Variants in CDK15 observed in about 807,000 individuals in gnomAD.
CDK15 encodes cyclin dependent kinase 15.
In CDK15, 62 loss-of-function variants were observed where a neutral mutation model predicts 60.3. The ratio of observed to expected loss-of-function variants is 1.03; its 90% CI spans 0.84 to 1.27. The LOEUF is 1.27. Among genes scored for constraint, CDK15 ranks in the 50% most tolerant of loss-of-function variants. The pLI is 0.00. For synonymous variants in CDK15, 194 were observed against 195.7 expected (o/e 0.99, Z 0.07); for missense variants, 541 against 527.8 (o/e 1.03, Z -0.25).
intron 8 of CDK15, among the ~76,000 whole-genome samples, chr2:201,840,914 G>A (rs1697347290): frequency 6.6e-6 from 1 of 152,086 alleles, no homozygotes; most frequent in Non-Finnish European, 1.5e-5. Context: ...TTCCATTTGT[G>A]AATTCATGTC....
At chr2:201,827,898 G>A (rs146796268) in intron 6 of CDK15, among the ~76,000 whole-genome samples, 19 of 152,318 alleles carry the variant, frequency 1.2e-4, no homozygotes, top group African/African-American at 4.6e-4. Flanking sequence ...TGCAGATGGT[G>A]CTGGTCAAGA....
At chr2:201,857,816 A>G (rs957157605) in intron 10 of CDK15, among the ~76,000 whole-genome samples, 2 of 152,156 alleles carry the variant, frequency 1.3e-5, no homozygotes, top group African/African-American at 2.4e-5. Flanking sequence ...ACGTGAGTCA[A>G]TAAGTTCCTT....
chr2:201,891,770 G>A (rs1469490290), intron 13 of CDK15, among the ~76,000 whole-genome samples: 1 of 152,176 alleles, frequency 6.6e-6, no homozygotes. Context: ...ACAAGATAGA[G>A]GAATCAAGGT....
rs941050963 is a variant in CDK15, at chr2:201,861,450, A to G, written c.1009+6513A>G. 6 of 984,640 alleles carry G rather than the reference A, an allele frequency of 6.1e-6. No individual in the cohort carries two copies. The African/African-American group carries it at 8.8e-5, about 14-fold the overall frequency. 61.0% of individuals were successfully genotyped at this position (984,640 alleles called of 1,614,324 possible). A position where few individuals can be genotyped will look rare whatever the true frequency, so the allele number is the denominator to read the frequency against. ...GTATCCCTCTGTCTCATTTTGCAGGATGAGTCTGAAAAATAAATTATATTG... is the reference window on the plus strand; with the variant it reads ...GTATCCCTCTGTCTCATTTTGCAGGGTGAGTCTGAAAAATAAATTATATTG... On this transcript the variant is annotated intron_variant, in intron 10 of 13. Transcript: ENST00000652192.
intron 12 of CDK15, among the ~76,000 whole-genome samples, chr2:201,887,085 T>A (rs1178693943): frequency 6.6e-6 from 1 of 152,208 alleles, no homozygotes; most frequent in African/African-American, 2.4e-5. Flanking sequence ...TGTTTTACAA[T>A]TTTTTAAATA....
intron 6 of CDK15, among the ~76,000 whole-genome samples, chr2:201,830,309 A>T (rs1216869334): frequency 2.6e-5 from 4 of 152,216 alleles, no homozygotes; most frequent in Non-Finnish European, 5.9e-5. Flanking sequence ...GGGCAGAAGA[A>T]AAATTAGGAG....
At chr2:201,864,705 C>G (rs1202402724) in intron 10 of CDK15, among the ~76,000 whole-genome samples, 1 of 152,176 alleles carries the variant, frequency 6.6e-6, no homozygotes, top group African/African-American at 2.4e-5. Context: ...CCGGCCACCC[C>G]TGCTATTTTA....
rs73055701 is a variant in CDK15, at chr2:201,854,792, T to C, written c.946-82T>C. 0.011 allele frequency: 13,198 copies of C among 1,159,552 alleles called. 1,010 individuals carry two copies. The African/African-American group carries it at 0.17, about 15-fold the overall frequency. The allele number at this position is 1,159,552 out of a possible 1,614,324, so 71.8% of individuals were successfully genotyped here. A position where few individuals can be genotyped will look rare whatever the true frequency, so the allele number is the denominator to read the frequency against. On this transcript the variant is annotated intron_variant, in intron 9 of 13. Transcript: ENST00000652192. Reference sequence around the variant, plus strand: ...TGACGCTTCCCTGTTCTTCCCTGATTTGTCCTGCATGTCTCCATACCTCTT... The same window carrying C: ...TGACGCTTCCCTGTTCTTCCCTGATCTGTCCTGCATGTCTCCATACCTCTT...
chr2:201,836,800 GAAAA>G (rs779259853), intron 8 of CDK15, among the ~76,000 whole-genome samples: 1 of 132,042 alleles, frequency 7.6e-6, no homozygotes. Flanking sequence ...CCTGGTTTAG[GAAAA>G]AAAAAAAAAA....
At chr2:201,839,989 T>A (rs1697303146) in intron 8 of CDK15, among the ~76,000 whole-genome samples, 1 of 151,120 alleles carries the variant, frequency 6.6e-6, no homozygotes, top group Non-Finnish European at 1.5e-5. Context: ...TTTGTTTTTG[T>A]TTTTGTTTTT....
intron 9 of CDK15, among the ~76,000 whole-genome samples, chr2:201,848,390 T>A (rs1697763254): frequency 6.6e-6 from 1 of 152,130 alleles, no homozygotes; most frequent in African/African-American, 2.4e-5. Context: ...TGGTAAAATA[T>A]ACAAAACAAA....
chr2:201,880,788 C>T (rs983501479), intron 12 of CDK15, among the ~76,000 whole-genome samples: 3 of 152,062 alleles, frequency 2.0e-5, no homozygotes, highest in African/African-American at 7.2e-5. Context: ...TTGGAACTCC[C>T]GTCATGTTTC....
chr2:201,845,238 T>A (rs1574893266), intron 8 of CDK15, among the ~76,000 whole-genome samples: 1 of 152,186 alleles, frequency 6.6e-6, no homozygotes, highest in East Asian at 1.9e-4. Flanking sequence ...CTGATATCAT[T>A]TTTTAAACAA....
intron 11 of CDK15, among the ~76,000 whole-genome samples, chr2:201,878,331 G>A (rs1171176554): frequency 6.6e-6 from 1 of 151,382 alleles, no homozygotes; most frequent in African/African-American, 2.4e-5. Flanking sequence ...TTTTGTCCTG[G>A]GCCAGCCAAC....
At chr2:201,826,453 C>T (rs192944562) in intron 6 of CDK15, among the ~76,000 whole-genome samples, 1,383 of 77,638 alleles carry the variant, frequency 0.018, 24 homozygotes, top group African/African-American at 0.067. Context: ...AGTGAGACTG[C>T]GTCTCAAAAA....
chr2:201,829,482 C>T (rs1385730763), intron 6 of CDK15, among the ~76,000 whole-genome samples: 2 of 152,122 alleles, frequency 1.3e-5, no homozygotes, highest in Non-Finnish European at 2.9e-5. Context: ...ATGATGGTGC[C>T]ATTCACTGTG....
intron 7 of CDK15, 134 bp downstream of exon 7, chr2:201,834,105 T>C (rs1696902056): frequency 1.8e-6 from 2 of 1,098,668 alleles, no homozygotes; most frequent in Admixed American, 3.0e-5. Flanking sequence ...GATATCAAAC[T>C]ACCACAAAGG....
In CDK15 at chr2:201,880,181, T is replaced by TGTGTGC. The variant is rs1553535432; in HGVS notation, c.1198+24_1198+29dup. The TGTGTGC allele has an allele frequency of 1.3e-5, 21 of 1,612,924 alleles. No individual in the cohort carries two copies. Among genetic ancestry groups the TGTGTGC allele is most frequent in the Admixed American group, 3.3e-5 (2 of 59,876 alleles). ...AGCTTCCTGATGGTGAGCGAGGGAG[T>TGTGTGC]GTGTGCGTGTGCGTGAGTGCATGTG... On this transcript the variant is annotated intron_variant, in intron 12 of 13. Coordinates refer to ENST00000652192, the MANE Select transcript of CDK15 (RefSeq NM_001366386.2).
intron 8 of CDK15, among the ~76,000 whole-genome samples, chr2:201,844,627 C>G (rs796513114): frequency 6.6e-6 from 1 of 152,022 alleles, no homozygotes; most frequent in African/African-American, 2.4e-5. Context: ...TGTCACATAT[C>G]AAGATGTTTC....
Sources: allele counts gnomAD v4.1 joint callset (sites outside exome capture counted in the v4.1 genomes callset), GRCh38; gene constraint gnomAD v4.1.1; transcripts MANE v1.5; gene names NCBI Gene and HGNC (gene_info 2026-07-23, HGNC 2026-07-21).